Variants in ZFHX3 observed in about 807,000 individuals in gnomAD.
The protein encoded by ZFHX3 is zinc finger homeobox protein 3.
In ZFHX3, 42 loss-of-function variants were observed where a neutral mutation model predicts 279.1. That is an observed-to-expected ratio of 0.15 (90% CI 0.12 to 0.19). ZFHX3 has a LOEUF of 0.19. ZFHX3 is among the 10% of genes least tolerant of loss of function. ZFHX3 has a pLI of 1.00. For missense variants in ZFHX3, 4,981 were observed against 4,754.0 expected, an observed-to-expected ratio of 1.05 and a Z score of -1.40; for synonymous variants, 2,293 against 1,957.8, an observed-to-expected ratio of 1.17 and a Z score of -4.52.
intron 5 of ZFHX3, among the ~76,000 whole-genome samples, chr16:73,208,793 T>C (rs950188165): frequency 2.6e-5 from 4 of 152,178 alleles, no homozygotes; most frequent in African/African-American, 9.7e-5. Flanking sequence ...ATAAAATACT[T>C]GGGAAAGAAA....
intron 4 of ZFHX3, among the ~76,000 whole-genome samples, chr16:73,261,495 T>C (rs2013822581): frequency 2.0e-5 from 3 of 152,074 alleles, no homozygotes; most frequent in Admixed American, 1.3e-4. Flanking sequence ...AATAAAATAC[T>C]ATAAAACATA....
intron 7 of ZFHX3, among the ~76,000 whole-genome samples, chr16:72,803,401 A>G (rs964024970): frequency 6.6e-6 from 1 of 152,286 alleles, no homozygotes; most frequent in South Asian, 2.1e-4. Context: ...TTTGCCAGGA[A>G]CACTGAAACA....
intron 2 of ZFHX3, among the ~76,000 whole-genome samples, chr16:73,661,195 C>T (rs537393211): frequency 6.6e-6 from 1 of 152,132 alleles, no homozygotes; most frequent in Non-Finnish European, 1.5e-5. Context: ...ATTTCAGAAA[C>T]TTATAAATAA....
At chr16:73,248,400 G>T (rs1186593551) in intron 5 of ZFHX3, among the ~76,000 whole-genome samples, 1 of 151,920 alleles carries the variant, frequency 6.6e-6, no homozygotes, top group African/African-American at 2.4e-5. Context: ...GTTCATGTGT[G>T]TGTGTGCACT....
intron 1 of ZFHX3, among the ~76,000 whole-genome samples, chr16:73,019,428 GCCA>G (rs749575770): frequency 1.3e-5 from 2 of 152,194 alleles, no homozygotes; most frequent in East Asian, 3.9e-4. Context: ...TGGTTTACAG[GCCA>G]CCACAACCCT....
chr16:72,946,435 T>C (rs1567598096), intron 3 of ZFHX3, among the ~76,000 whole-genome samples: 2 of 152,190 alleles, frequency 1.3e-5, no homozygotes, highest in African/African-American at 4.8e-5. Context: ...CAGATTCTGG[T>C]AGGGTCTTAA....
chr16:73,140,769 A>G (rs1299439487), intron 6 of ZFHX3, among the ~76,000 whole-genome samples: 2 of 152,258 alleles, frequency 1.3e-5, no homozygotes, highest in Admixed American at 6.5e-5. Context: ...CAGGAGAATC[A>G]ATTGAACCCG....
In ZFHX3 at chr16:72,906,378, G is replaced by A. The variant is rs115074317; in HGVS notation, c.3217-16416C>T. On this transcript the variant is annotated intron_variant, in intron 3 of 9. Transcript: ENST00000268489. ...GAAGCCGTGGTCGATGATCGCACTG[G>A]GGGGGCATGGGACCGGGGTGGGGAG... Among the ~76,000 whole-genome samples the A allele has an allele frequency of 3.5e-3, 529 of 151,988 alleles. 2 individuals are homozygous for A. The highest frequency in any genetic ancestry group is 5.6e-3 in the Admixed American group (86 of 15,262).
At chr16:73,082,514 C>T (rs529027567) in intron 8 of ZFHX3, among the ~76,000 whole-genome samples, 1 of 152,282 alleles carries the variant, frequency 6.6e-6, no homozygotes, top group East Asian at 1.9e-4. Flanking sequence ...CAGGATCCGC[C>T]TGCCTTGGCC....
upstream of ZFHX3, chr16:73,062,006 G>A (rs901361008): frequency 4.6e-5 from 7 of 151,950 alleles, no homozygotes; most frequent in African/African-American, 1.7e-4. Context: ...AAGGAGGAGA[G>A]GTACCAAGCT....
At chr16:72,979,121 C>T (rs1962481750) in intron 1 of ZFHX3, among the ~76,000 whole-genome samples, 1 of 152,052 alleles carries the variant, frequency 6.6e-6, no homozygotes, top group Non-Finnish European at 1.5e-5. Flanking sequence ...GAGCGTGGAG[C>T]ACATGTGATG....
At chr16:73,598,423 C>CT (rs112833090) in intron 2 of ZFHX3, among the ~76,000 whole-genome samples, 5,981 of 142,906 alleles carry the variant, frequency 0.042, 341 homozygotes, top group African/African-American at 0.13. Context: ...TTCTTTTTAT[C>CT]TTTTTTTTTT....
chr16:72,901,035 C>A (rs569756280), intron 3 of ZFHX3, among the ~76,000 whole-genome samples: 3 of 152,190 alleles, frequency 2.0e-5, no homozygotes, highest in Non-Finnish European at 2.9e-5. Context: ...AAAAGTCACA[C>A]GGAAGCAGCT....
chr16:73,809,515 T>G (rs1031266201), intron 1 of ZFHX3: 3 of 152,222 alleles, frequency 2.0e-5, no homozygotes, highest in African/African-American at 7.2e-5. Flanking sequence ...ATTTATGAGC[T>G]CCTGTCTGTT....
intron 5 of ZFHX3, among the ~76,000 whole-genome samples, chr16:73,226,373 C>T (rs182963022): frequency 6.6e-6 from 1 of 152,352 alleles, no homozygotes; most frequent in East Asian, 1.9e-4. Context: ...TGAATGTACA[C>T]ATGTTGTTCT....
At chr16:73,363,846 C>G (rs1309758262) in intron 3 of ZFHX3, among the ~76,000 whole-genome samples, 2 of 152,126 alleles carry the variant, frequency 1.3e-5, no homozygotes, top group African/African-American at 4.8e-5. Context: ...ATTAATTCTG[C>G]CTAACATAGA....
At chr16:73,111,642 G>A (rs1033220946) in intron 7 of ZFHX3, among the ~76,000 whole-genome samples, 7 of 143,336 alleles carry the variant, frequency 4.9e-5, no homozygotes, top group Non-Finnish European at 8.9e-5. Flanking sequence ...AGAAGAGAGA[G>A]AAAGAGAGGA....
intron 2 of ZFHX3, among the ~76,000 whole-genome samples, chr16:73,484,968 A>C (rs1296584913): frequency 6.7e-6 from 1 of 149,674 alleles, no homozygotes; most frequent in Non-Finnish European, 1.5e-5. Flanking sequence ...ATTTCCCATA[A>C]GGAAAAAAAA....
chr16:73,277,439 G>A (rs952456733), intron 4 of ZFHX3, among the ~76,000 whole-genome samples: 1 of 152,066 alleles, frequency 6.6e-6, no homozygotes, highest in Admixed American at 6.6e-5. Context: ...CTTTCTTACT[G>A]GGTAGATGAA....
Sources: allele counts gnomAD v4.1 joint callset (sites outside exome capture counted in the v4.1 genomes callset), GRCh38; gene constraint gnomAD v4.1.1; transcripts MANE v1.5; gene names NCBI Gene and HGNC (gene_info 2026-07-23, HGNC 2026-07-21).